Variants in PDE4D observed in about 807,000 individuals in gnomAD.
PDE4D encodes the protein phosphodiesterase 4D, also known as 3',5'-cyclic-AMP phosphodiesterase 4D.
PDE4D carries 24 observed loss-of-function variants against 87.4 expected under a neutral mutation model. The observed-to-expected ratio is 0.27, with a 90% CI of 0.20 to 0.39. PDE4D has a LOEUF of 0.39. Among genes scored for constraint, PDE4D ranks in the 10% least tolerant of loss-of-function variants. PDE4D has a pLI of 1.00. For missense variants in PDE4D, 714 were observed against 1,041.0 expected (o/e 0.69, Z 4.32); for synonymous variants, 384 against 383.2 (o/e 1.00, Z -0.02).
intron 1 of PDE4D, among the ~76,000 whole-genome samples, chr5:59,520,284 A>G (rs748143754): frequency 3.3e-5 from 5 of 152,144 alleles, no homozygotes; most frequent in Non-Finnish European, 7.4e-5. Context: ...AAACAAAAGA[A>G]ACATGAGACC....
intron 1 of PDE4D, among the ~76,000 whole-genome samples, chr5:59,459,605 A>C (rs1279206910): frequency 6.6e-6 from 1 of 152,214 alleles, no homozygotes; most frequent in Non-Finnish European, 1.5e-5. Context: ...TGATCCTATG[A>C]TACTGAAATC....
intron 1 of PDE4D, among the ~76,000 whole-genome samples, chr5:59,525,414 T>A (rs1812924161): frequency 6.6e-6 from 1 of 152,260 alleles, no homozygotes; most frequent in African/African-American, 2.4e-5. Context: ...TGAGTGTATT[T>A]ACCCAATACC....
At chr5:59,791,503 G>C (rs1765786636) in intron 1 of PDE4D, among the ~76,000 whole-genome samples, 1 of 152,174 alleles carries the variant, frequency 6.6e-6, no homozygotes. Context: ...CAGGGTAAAT[G>C]ATGGAGAGGC....
intron 1 of PDE4D, among the ~76,000 whole-genome samples, chr5:60,317,870 T>G (rs562627222): frequency 6.6e-6 from 1 of 152,234 alleles, no homozygotes; most frequent in Non-Finnish European, 1.5e-5. Context: ...TTATAATTTC[T>G]GTTCTTTTAC....
intron 1 of PDE4D, among the ~76,000 whole-genome samples, chr5:60,246,384 A>G (rs146096701): frequency 3.3e-3 from 507 of 151,880 alleles, no homozygotes; most frequent in Middle Eastern, 0.017. Flanking sequence ...GCCTCTTCCC[A>G]AATCTTCCTG....
At chr5:59,297,215 C>G (rs1769268231) in intron 1 of PDE4D, among the ~76,000 whole-genome samples, 1 of 152,122 alleles carries the variant, frequency 6.6e-6, no homozygotes, top group Non-Finnish European at 1.5e-5. Flanking sequence ...GAGTTAACAT[C>G]CTATAAAGGA....
At chr5:59,437,267 A>G (rs12521370) in intron 1 of PDE4D, among the ~76,000 whole-genome samples, 21,235 of 152,184 alleles carry the variant, frequency 0.14, 2,023 homozygotes, top group Admixed American at 0.21. Flanking sequence ...ATGGAAACAA[A>G]TGAGTTTAAT....
At chr5:59,159,408 G>A (rs1309121778) in intron 5 of PDE4D, among the ~76,000 whole-genome samples, 4 of 152,022 alleles carry the variant, frequency 2.6e-5, no homozygotes, top group Non-Finnish European at 1.5e-5. Context: ...GCTGCGATTA[G>A]AGGTGTGAGC....
In PDE4D at chr5:59,970,232, T is replaced by C. The variant is rs548438217; in HGVS notation, c.272+18256A>G. Among the ~76,000 whole-genome samples the C allele has an allele frequency of 1.6e-4, 24 of 152,260 alleles. No homozygotes were observed. In the East Asian group the frequency reaches 4.2e-3, roughly 27 times the overall value. On this transcript the variant is annotated intron_variant, in intron 3 of 16. Coordinates refer to the PDE4D transcript ENST00000502484. ...AACTTTTGATTAAAGACTTAAACGTTAGACCTAAAACCATAAAAACCCTAG... is the reference window on the plus strand; with the variant it reads ...AACTTTTGATTAAAGACTTAAACGTCAGACCTAAAACCATAAAAACCCTAG...
chr5:59,621,300 C>CA (rs541992169), intron 1 of PDE4D, among the ~76,000 whole-genome samples: 3 of 152,110 alleles, frequency 2.0e-5, no homozygotes, highest in South Asian at 2.1e-4. Context: ...TTGCTTCACA[C>CA]AAAAAAAGCT....
intron 1 of PDE4D, among the ~76,000 whole-genome samples, chr5:59,686,599 T>C (rs936927233): frequency 6.6e-6 from 1 of 152,198 alleles, no homozygotes; most frequent in African/African-American, 2.4e-5. Context: ...ACACAGCAGC[T>C]GTTCAATAAT....
In PDE4D at chr5:59,453,092, T is replaced by G. The variant is rs147455421; in HGVS notation, c.456-237124A>C. Among the ~76,000 whole-genome samples, 853 of 152,308 alleles carry G rather than the reference T, an allele frequency of 5.6e-3. 27 individuals are homozygous for G. The East Asian group carries it at 0.076, about 14-fold the overall frequency. ...ATAATTCTTGCAATATTTCAAACTT[T>G]TAAAATTATTTTAATACCTATTATG... On this transcript the variant is annotated intron_variant, in intron 1 of 14. Coordinates refer to ENST00000340635, the MANE Select transcript of PDE4D (RefSeq NM_001104631.2).
intron 5 of PDE4D, chr5:59,166,290 G>A (rs891492921): frequency 6.6e-6 from 1 of 152,152 alleles, no homozygotes; most frequent in Non-Finnish European, 1.5e-5. Context: ...AAAAGGCCAG[G>A]TTAATTTCCT....
chr5:59,555,746 A>G (rs544651050), intron 1 of PDE4D, among the ~76,000 whole-genome samples: 1 of 152,212 alleles, frequency 6.6e-6, no homozygotes, highest in East Asian at 1.9e-4. Flanking sequence ...CATCACTGAC[A>G]CCATTGACAG....
intron 1 of PDE4D, among the ~76,000 whole-genome samples, chr5:59,464,385 A>G (rs935730475): frequency 6.6e-6 from 1 of 152,264 alleles, no homozygotes. Context: ...GAGGTGGGAC[A>G]TGCGGGCAGC....
chr5:59,775,645 T>C (rs1479388945), intron 1 of PDE4D, among the ~76,000 whole-genome samples: 2 of 152,214 alleles, frequency 1.3e-5, no homozygotes, highest in Non-Finnish European at 2.9e-5. Flanking sequence ...ACGAAAGATC[T>C]TGGGTGGACC....
At chr5:60,458,988 T>TGC (rs1337387868) in intron 1 of PDE4D, among the ~76,000 whole-genome samples, 7 of 151,564 alleles carry the variant, frequency 4.6e-5, no homozygotes, top group African/African-American at 1.7e-4. Flanking sequence ...TTTGTGTGTG[T>TGC]GTGTGTGTGT....
intron 2 of PDE4D, among the ~76,000 whole-genome samples, chr5:60,065,270 CGT>C (rs10606448): frequency 0.046 from 6,791 of 148,232 alleles, 391 homozygotes; most frequent in African/African-American, 0.14. Flanking sequence ...GTGTGTGTGT[CGT>C]GTGTGTGTGT....
At chr5:60,353,797 A>C (rs1190479411) in intron 1 of PDE4D, among the ~76,000 whole-genome samples, 1 of 152,216 alleles carries the variant, frequency 6.6e-6, no homozygotes, top group East Asian at 1.9e-4. Flanking sequence ...AATACTTTAT[A>C]TGCATACAAC....
Sources: gnomAD v4.1 joint callset for allele counts (sites outside exome capture counted in the v4.1 genomes callset) on GRCh38, gnomAD v4.1.1 for gene constraint, MANE v1.5 for transcripts, NCBI Gene and HGNC (gene_info 2026-07-23, HGNC 2026-07-21) for gene names.